The following LYPD6 variants were observed in gnomAD, a reference collection of about 807,000 sequenced individuals.
LYPD6 encodes LY6/PLAUR domain containing 6.
Under a neutral mutation model 22.7 loss-of-function variants are expected in LYPD6, and 15 were observed. The observed-to-expected ratio is 0.66, with a 90% CI of 0.44 to 1.02. The LOEUF is 1.02. Among genes scored for constraint, LYPD6 ranks in the 50% least tolerant of loss-of-function variants. The pLI is 0.00. For synonymous variants in LYPD6, 72 were observed against 77.5 expected (o/e 0.93, Z 0.37); for missense variants, 189 against 208.4 (o/e 0.91, Z 0.57).
At chr2:149,382,848 T>G (rs537023695) in intron 1 of LYPD6, among the ~76,000 whole-genome samples, 1 of 152,282 alleles carries the variant, frequency 6.6e-6, no homozygotes, top group Admixed American at 6.5e-5. Flanking sequence ...TCTAGAATTC[T>G]TTAAGATAGA....
chr2:149,356,848 A>G (rs1391826157), intron 1 of LYPD6, among the ~76,000 whole-genome samples: 2 of 152,114 alleles, frequency 1.3e-5, no homozygotes, highest in Non-Finnish European at 2.9e-5. Flanking sequence ...TTCTTTATGT[A>G]TGTATAACAT....
chr2:149,423,615 T>C (rs529007454), intron 1 of LYPD6, among the ~76,000 whole-genome samples: 1 of 152,112 alleles, frequency 6.6e-6, no homozygotes, highest in Non-Finnish European at 1.5e-5. Context: ...GTTTACCAGC[T>C]TTTTTCTGCG....
intron 1 of LYPD6, among the ~76,000 whole-genome samples, chr2:149,402,462 C>T (rs1285274342): frequency 5.3e-5 from 8 of 152,210 alleles, no homozygotes; most frequent in Admixed American, 2.6e-4. Flanking sequence ...GGAATCTCCA[C>T]ACTGTTTTCC....
chr2:149,443,204 C>T (rs1028862401), intron 2 of LYPD6, among the ~76,000 whole-genome samples: 15 of 152,308 alleles, frequency 9.8e-5, no homozygotes, highest in African/African-American at 3.6e-4. Context: ...TTTGTGAACA[C>T]TACAACTTAC....
chr2:149,384,426 G>C (rs1034068434), intron 1 of LYPD6, among the ~76,000 whole-genome samples: 2 of 152,188 alleles, frequency 1.3e-5, no homozygotes, highest in African/African-American at 4.8e-5. Flanking sequence ...AGGCATTACA[G>C]GGGGATGTGT....
intron 1 of LYPD6, among the ~76,000 whole-genome samples, chr2:149,384,224 C>T (rs991208070): frequency 5.3e-5 from 8 of 152,124 alleles, no homozygotes; most frequent in African/African-American, 1.9e-4. Context: ...TTTACTAAGG[C>T]AATTAGCAAA....
chr2:149,363,752 C>T (rs1681611822), intron 1 of LYPD6, among the ~76,000 whole-genome samples: 1 of 152,140 alleles, frequency 6.6e-6, no homozygotes, highest in African/African-American at 2.4e-5. Context: ...GCAGGCACTA[C>T]ACATATGCTA....
chr2:149,330,247 C>G (rs1280302138), upstream of LYPD6: 1 of 152,096 alleles, frequency 6.6e-6, no homozygotes, highest in Non-Finnish European at 1.5e-5. Context: ...CCAACGCTCA[C>G]TGGGAACAGG....
At chr2:149,353,849 T>C (rs13383063) in intron 1 of LYPD6, among the ~76,000 whole-genome samples, 3,630 of 152,162 alleles carry the variant, frequency 0.024, 135 homozygotes, top group African/African-American at 0.082. Context: ...ATCAAATCTT[T>C]CTGGCACCAG....
chr2:149,470,069 G>A (rs1222715278), intron 4 of LYPD6, among the ~76,000 whole-genome samples: 1 of 152,180 alleles, frequency 6.6e-6, no homozygotes, highest in Non-Finnish European at 1.5e-5. Context: ...TGTACTTTGT[G>A]TAGCCATGCC....
chr2:149,404,945 C>G (rs142669785), intron 1 of LYPD6, among the ~76,000 whole-genome samples: 41,827 of 151,750 alleles, frequency 0.28, 6,798 homozygotes, highest in African/African-American at 0.46. Flanking sequence ...TAGCATGAAG[C>G]GTTGTTGAAT....
chr2:149,432,096 A>G (rs1386382998), intron 1 of LYPD6, among the ~76,000 whole-genome samples: 1 of 152,196 alleles, frequency 6.6e-6, no homozygotes. Flanking sequence ...AATTTTTTTA[A>G]AAAAGAAAAG....
intron 1 of LYPD6, among the ~76,000 whole-genome samples, chr2:149,390,296 T>C (rs1457472415): frequency 6.6e-6 from 1 of 152,230 alleles, no homozygotes; most frequent in Non-Finnish European, 1.5e-5. Context: ...CTACTTCGAA[T>C]GATCTCTTTT....
At chr2:149,438,289 A>G (rs919496937) in intron 2 of LYPD6, among the ~76,000 whole-genome samples, 2 of 152,212 alleles carry the variant, frequency 1.3e-5, no homozygotes, top group African/African-American at 2.4e-5. Flanking sequence ...TTTAAGAATT[A>G]TCTAGGGAAT....
intron 1 of LYPD6, among the ~76,000 whole-genome samples, chr2:149,435,669 T>C (rs1482457643): frequency 1.3e-5 from 2 of 152,240 alleles, no homozygotes; most frequent in Non-Finnish European, 2.9e-5. Context: ...TACTTGTTTT[T>C]TCATCATGTT....
chr2:149,408,404 A>G (rs1043550325), intron 1 of LYPD6, among the ~76,000 whole-genome samples: 6 of 152,130 alleles, frequency 3.9e-5, no homozygotes, highest in African/African-American at 1.4e-4. Flanking sequence ...ATCTTTTTGC[A>G]TTGAATTTCC....
intron 1 of LYPD6, among the ~76,000 whole-genome samples, chr2:149,402,918 C>A (rs575024667): frequency 4.7e-4 from 67 of 143,136 alleles, no homozygotes; most frequent in African/African-American, 1.6e-3. Context: ...GTGTGATGTT[C>A]CCCTTCCTGT....
chr2:149,475,465 T>C (rs959532842), downstream of LYPD6, among the ~76,000 whole-genome samples: 8 of 152,190 alleles, frequency 5.3e-5, no homozygotes, highest in African/African-American at 1.7e-4. Context: ...TCTGACATAA[T>C]TTGGTGTTAC....
At chr2:149,405,688 C>T (rs1682686485) in intron 1 of LYPD6, among the ~76,000 whole-genome samples, 1 of 152,138 alleles carries the variant, frequency 6.6e-6, no homozygotes, top group African/African-American at 2.4e-5. Context: ...AAACCAGCTC[C>T]TGGATTCATT....
Sources: gnomAD v4.1 joint callset for allele counts (sites outside exome capture counted in the v4.1 genomes callset) on GRCh38, gnomAD v4.1.1 for gene constraint, MANE v1.5 for transcripts, NCBI Gene and HGNC (gene_info 2026-07-23, HGNC 2026-07-21) for gene names.